Variants in NEDD4L observed in about 807,000 individuals in gnomAD.
The protein encoded by NEDD4L is E3 ubiquitin-protein ligase NEDD4-like.
In NEDD4L, 54 loss-of-function variants were observed where a neutral mutation model predicts 148.9. The ratio of observed to expected loss-of-function variants is 0.36; its 90% confidence interval spans 0.29 to 0.45. The LOEUF (loss-of-function observed/expected upper bound fraction) is 0.45. Ranked by LOEUF, NEDD4L falls within the 20% of genes least tolerant of loss-of-function variation. NEDD4L has a pLI of 1.00. For missense variants in NEDD4L, 856 were observed against 1,233.8 expected, an observed-to-expected ratio of 0.69 and a Z score of 4.59; for synonymous variants, 433 against 440.7, an observed-to-expected ratio of 0.98 and a Z score of 0.22.
At chr18:58,382,703 G>T (rs2048508926) in intron 24 of NEDD4L, among the ~76,000 whole-genome samples, 1 of 152,162 alleles carries the variant, frequency 6.6e-6, no homozygotes, top group African/African-American at 2.4e-5. Flanking sequence ...CAGGGCAGAT[G>T]AGTGAGGAGA....
intron 16 of NEDD4L, among the ~76,000 whole-genome samples, chr18:58,345,609 C>A (rs774405222): frequency 6.6e-6 from 1 of 152,100 alleles, no homozygotes; most frequent in Non-Finnish European, 1.5e-5. Flanking sequence ...GGACATTTCC[C>A]CTCTATACAT....
At chr18:58,058,143 T>C (rs181547796) in intron 1 of NEDD4L, among the ~76,000 whole-genome samples, 2 of 152,092 alleles carry the variant, frequency 1.3e-5, no homozygotes, top group African/African-American at 2.4e-5. Flanking sequence ...CCGTCTCTAC[T>C]AAAAATACAA....
intron 2 of NEDD4L, among the ~76,000 whole-genome samples, chr18:58,187,014 G>T (rs867265752): frequency 2.0e-5 from 3 of 152,224 alleles, no homozygotes; most frequent in African/African-American, 4.8e-5. Context: ...ATGTCTTCAC[G>T]CAGGAAAGTG....
At chr18:58,351,595 T>C (rs2043893597) in intron 18 of NEDD4L, among the ~76,000 whole-genome samples, 1 of 152,180 alleles carries the variant, frequency 6.6e-6, no homozygotes, top group Non-Finnish European at 1.5e-5. Flanking sequence ...TATGAAAAAA[T>C]GTGTGGTTTC....
chr18:58,247,090 A>G (rs1024143756), intron 3 of NEDD4L, among the ~76,000 whole-genome samples: 2 of 152,150 alleles, frequency 1.3e-5, no homozygotes, highest in Non-Finnish European at 2.9e-5. Context: ...CTTTAGTATC[A>G]TTTATGGGTT....
chr18:58,344,848 G>A (rs1045682567), intron 16 of NEDD4L, among the ~76,000 whole-genome samples: 1 of 152,146 alleles, frequency 6.6e-6, no homozygotes, highest in Non-Finnish European at 1.5e-5. Flanking sequence ...AAGGGCTAAC[G>A]AATATAAAAG....
intron 1 of NEDD4L, chr18:58,045,618 A>G (rs1242671359): frequency 6.6e-6 from 1 of 152,650 alleles, no homozygotes. Context: ...TCTTATTGGT[A>G]TGTTGCTCTG....
chr18:58,364,398 A>C (rs2045868539), intron 20 of NEDD4L, 65 bp downstream of exon 20: 4 of 973,600 alleles, frequency 4.1e-6, no homozygotes, highest in Non-Finnish European at 3.1e-6. Flanking sequence ...CAGTCACTTC[A>C]GTGAGAACAA....
intron 5 of NEDD4L, among the ~76,000 whole-genome samples, chr18:58,287,323 G>A (rs1219315057): frequency 1.3e-5 from 2 of 152,108 alleles, no homozygotes; most frequent in Admixed American, 1.3e-4. Flanking sequence ...ACAGCATGTT[G>A]TTCAATAATT....
At chr18:58,102,334 C>T (rs577060275) in intron 1 of NEDD4L, among the ~76,000 whole-genome samples, 51 of 152,254 alleles carry the variant, frequency 3.3e-4, no homozygotes, top group Admixed American at 1.6e-3. Flanking sequence ...ACTACTATAA[C>T]GGCTCACTTT....
rs560369646 is a variant in NEDD4L, at chr18:58,294,007, A to G, written c.298-21975A>G. 3.9e-5 allele frequency among the ~76,000 whole-genome samples: 6 copies of G among 152,330 alleles called. No individual in the cohort carries two copies. The South Asian group carries it at 8.3e-4, about 21-fold the overall frequency. ...CAAAGTTCTGGGATTACAGTCATGA[A>G]CCACCATGTCCAACCAGGAAATTTT... On this transcript the variant is annotated intron_variant, in intron 5 of 30. Coordinates refer to ENST00000400345, the MANE Select transcript of NEDD4L (RefSeq NM_001144967.3).
intron 30 of NEDD4L, among the ~76,000 whole-genome samples, chr18:58,393,290 G>A (rs562177311): frequency 6.6e-6 from 1 of 152,236 alleles, no homozygotes; most frequent in South Asian, 2.1e-4. Context: ...CTGCATGTTG[G>A]AACCATCTAG....
chr18:58,148,178 CT>C (rs2034309543), intron 1 of NEDD4L, among the ~76,000 whole-genome samples: 1 of 111,684 alleles, frequency 9.0e-6, no homozygotes, highest in Admixed American at 9.0e-5. Flanking sequence ...TTTTTTTTTT[CT>C]TTTTGAGATG....
chr18:58,396,713 A>ATTTTTT lies in NEDD4L; in HGVS notation c.*453_*458dup, dbSNP rs11433892. The ATTTTTT allele has an allele frequency of 7.0e-6, 1 of 143,712 alleles. No individual in the cohort carries two copies. The highest frequency in any genetic ancestry group is 1.5e-5 in the Non-Finnish European group (1 of 66,052). 8.9% of individuals were successfully genotyped at this position (143,712 alleles called of 1,614,324 possible). A position where few individuals can be genotyped will look rare whatever the true frequency, so the allele number is the denominator to read the frequency against. Reference sequence around the variant, plus strand: ...GTCTCATGTACTTGGAAAAGTGAGCATTTTTTTTTTTTTTGTATTTCACTT... The same window carrying ATTTTTT: ...GTCTCATGTACTTGGAAAAGTGAGCATTTTTTTTTTTTTTTTTTTTGTATTTCACTT... On this transcript the variant is annotated 3_prime_UTR_variant, in exon 31 of 31. Transcript: ENST00000400345.
At chr18:58,048,368 C>G (rs183835760) in intron 1 of NEDD4L, among the ~76,000 whole-genome samples, 1 of 152,262 alleles carries the variant, frequency 6.6e-6, no homozygotes, top group African/African-American at 2.4e-5. Context: ...TTAAGATGCG[C>G]CATGAGAGCA....
intron 1 of NEDD4L, among the ~76,000 whole-genome samples, chr18:58,111,848 G>A (rs1030190837): frequency 6.6e-6 from 1 of 152,148 alleles, no homozygotes; most frequent in South Asian, 2.1e-4. Flanking sequence ...TTTATACCTA[G>A]GAATGGAACT....
rs751595923 is a variant in NEDD4L at position 58,385,481 on chromosome 18, A to G, written c.2427-45A>G. On this transcript the variant is annotated intron_variant, in intron 25 of 30. Coordinates refer to ENST00000400345, the MANE Select transcript of NEDD4L (RefSeq NM_001144967.3). ...TGTTGCGGAGAAAGCAGTGAGCACTAGTGATGATGGAGGTGGTTCAATATT... is the reference window on the plus strand; with the variant it reads ...TGTTGCGGAGAAAGCAGTGAGCACTGGTGATGATGGAGGTGGTTCAATATT... The G allele has an allele frequency of 5.5e-6, 8 of 1,466,520 alleles. No individual in the cohort carries two copies. The African/African-American group carries it at 6.9e-5, about 13-fold the overall frequency. The allele number at this position is 1,466,520 out of a possible 1,614,324, so 90.8% of individuals were successfully genotyped here.
At chr18:58,045,126 C>G (rs927932071) in intron 1 of NEDD4L, 7 of 399,068 alleles carry the variant, frequency 1.8e-5, no homozygotes, top group Non-Finnish European at 3.1e-5. Flanking sequence ...AGACCCGGGA[C>G]TGCGGAGAAG....
chr18:58,309,989 G>T (rs1346352747), intron 5 of NEDD4L, among the ~76,000 whole-genome samples: 5 of 152,222 alleles, frequency 3.3e-5, no homozygotes, highest in Non-Finnish European at 7.3e-5. Context: ...TGCAATCCTT[G>T]CAAGCACAGT....
Sources: gnomAD v4.1 joint callset for allele counts (sites outside exome capture counted in the v4.1 genomes callset) on GRCh38, gnomAD v4.1.1 for gene constraint, MANE v1.5 for transcripts, NCBI Gene and HGNC (gene_info 2026-07-23, HGNC 2026-07-21) for gene names.